Variants in KDM7A observed in about 807,000 individuals in gnomAD.
The protein encoded by KDM7A is lysine-specific demethylase 7A.
KDM7A carries 28 observed loss-of-function variants against 114.8 expected under a neutral mutation model. The observed-to-expected ratio is 0.24, with a 90% confidence interval of 0.18 to 0.33. KDM7A has a LOEUF of 0.33. KDM7A is among the 10% of genes least tolerant of loss of function. KDM7A has a pLI of 1.00. For missense variants in KDM7A, 942 were observed against 1,142.5 expected (o/e 0.82, Z 2.53); for synonymous variants, 423 against 397.8 (o/e 1.06, Z -0.75).
intron 17 of KDM7A, chr7:140,095,656 TC>T: frequency 3.6e-6 from 1 of 279,046 alleles, no homozygotes; most frequent in Admixed American, 4.4e-5. Flanking sequence ...GGCAGGAGGA[TC>T]ACTTGAGCTC....
intron 18 of KDM7A, 161 bp from the exon 19 acceptor site, chr7:140,092,238 G>A (rs1355467746): frequency 1.5e-5 from 10 of 652,674 alleles, no homozygotes; most frequent in East Asian, 5.4e-5. Context: ...GCATGATGTC[G>A]TCTCAGTAGC....
At chr7:140,141,166 T>C (rs1454756077) in intron 1 of KDM7A, among the ~76,000 whole-genome samples, 1 of 152,258 alleles carries the variant, frequency 6.6e-6, no homozygotes, top group East Asian at 1.9e-4. Flanking sequence ...AAGGGAGATA[T>C]ACACCACGAC....
In KDM7A at chr7:140,106,544, A is replaced by C. The variant is rs187584893; in HGVS notation, c.1429-4384T>G. On this transcript the variant is annotated intron_variant, in intron 11 of 19. Coordinates refer to ENST00000397560, the MANE Select transcript of KDM7A (RefSeq NM_030647.2). ...TATTTCTGCCTTCATTTCATTATGTACCCAGTAGTCATTCAGGAGCAGGTT... is the reference window on the plus strand; with the variant it reads ...TATTTCTGCCTTCATTTCATTATGTCCCCAGTAGTCATTCAGGAGCAGGTT... 7.8e-3 allele frequency among the ~76,000 whole-genome samples: 1,195 copies of C among 152,248 alleles called. 6 individuals are homozygous for C. Among genetic ancestry groups the C allele is most frequent in the Admixed American group, 0.013 (201 of 15,300 alleles).
chr7:140,099,424 T>C (rs765184651), intron 13 of KDM7A, among the ~76,000 whole-genome samples: 5 of 152,204 alleles, frequency 3.3e-5, no homozygotes, highest in Non-Finnish European at 7.3e-5. Context: ...TTTAAACTCC[T>C]GGTCTCAAGA....
In KDM7A at chr7:140,167,063, C is replaced by T. The variant is rs147134735; in HGVS notation, c.194+9681G>A. On this transcript the variant is annotated intron_variant, in intron 1 of 19. Transcript: ENST00000397560. ...ATCTTAAAAATGTGTAAAATCTATA[C>T]AAAGAAAAATTAAAAACACACCTGA... is the stretch of plus-strand genomic sequence containing the variant. Among the ~76,000 whole-genome samples the T allele has an allele frequency of 2.2e-4, 33 of 151,580 alleles. 1 individual carries two copies. In the East Asian group the frequency reaches 5.0e-3, roughly 23 times the overall value.
rs1817939908 is a variant in KDM7A, at chr7:140,087,059, G to T, written c.*4035C>A. The T allele has an allele frequency of 6.6e-6, 1 of 152,206 alleles. No individual in the cohort carries two copies. The highest frequency in any genetic ancestry group is 1.9e-4 in the East Asian group (1 of 5,204). 9.4% of individuals were successfully genotyped at this position (152,206 alleles called of 1,614,324 possible). A position where few individuals can be genotyped will look rare whatever the true frequency, so the allele number is the denominator to read the frequency against. On this transcript the variant is annotated 3_prime_UTR_variant, in exon 20 of 20. Coordinates refer to ENST00000397560, the MANE Select transcript of KDM7A (RefSeq NM_030647.2). ...AGAATCTTGTCTGTTGAAGATGTCT[G>T]GTGGCGTCTCCTTTCCTACACTGGT...
chr7:140,172,059 A>G (rs1376995436), intron 1 of KDM7A, among the ~76,000 whole-genome samples: 1 of 152,152 alleles, frequency 6.6e-6, no homozygotes, highest in East Asian at 1.9e-4. Context: ...GCTGGTTAAT[A>G]ATACCTTAGA....
At chr7:140,101,904 A>C in intron 12 of KDM7A, 47 bp downstream of exon 12, 2 of 1,280,750 alleles carry the variant, frequency 1.6e-6, no homozygotes, top group South Asian at 2.4e-5. Flanking sequence ...TAAAGACTTT[A>C]AGGAACAGCC....
chr7:140,096,651 T>C lies in KDM7A; in HGVS notation c.2278A>G (p.Ser760Gly), dbSNP rs925135790. ...TCCTGGAGAGAGTTTCTTTCACCAC[T>C]GCAGTCTGTGCTTTGTATTTGCCTT... ...LQRQIQSTDC[S>G]GERNSLQDPS... is the part of the protein sequence containing the mutation. Residue 760 changes from serine (S) to glycine (G), a missense_variant, in exon 17 of 20, where the codon AGT becomes GGT. Transcript: ENST00000397560. The C allele has an allele frequency of 6.8e-6, 11 of 1,614,020 alleles. No homozygotes were observed. The African/African-American group carries it at 1.2e-4, about 18-fold the overall frequency.
chr7:140,143,095 G>T (rs1413926281), intron 1 of KDM7A, among the ~76,000 whole-genome samples: 1 of 150,796 alleles, frequency 6.6e-6, no homozygotes, highest in Non-Finnish European at 1.5e-5. Flanking sequence ...CAGGAGAACG[G>T]CATGAACTCG....
chr7:140,170,012 T>C (rs1794620725), intron 1 of KDM7A, among the ~76,000 whole-genome samples: 1 of 152,100 alleles, frequency 6.6e-6, no homozygotes, highest in South Asian at 2.1e-4. Flanking sequence ...AACAATGAAA[T>C]TGAGAAGTTC....
intron 1 of KDM7A, among the ~76,000 whole-genome samples, chr7:140,173,557 C>T (rs1315784150): frequency 6.6e-6 from 1 of 152,034 alleles, no homozygotes; most frequent in Non-Finnish European, 1.5e-5. Context: ...TTAAAAAGTC[C>T]TTCTACTTAA....
At chr7:140,104,401 T>C (rs1562947308) in intron 11 of KDM7A, among the ~76,000 whole-genome samples, 1 of 152,222 alleles carries the variant, frequency 6.6e-6, no homozygotes, top group Non-Finnish European at 1.5e-5. Flanking sequence ...TCCTGAATGG[T>C]ACTGCCTAGG....
intron 1 of KDM7A, among the ~76,000 whole-genome samples, chr7:140,161,921 A>G (rs1585167225): frequency 6.6e-6 from 1 of 152,252 alleles, no homozygotes; most frequent in Non-Finnish European, 1.5e-5. Context: ...TTTGTGAAAC[A>G]GTGAATACTC....
chr7:140,100,042 AACTT>A lies in KDM7A; in HGVS notation c.1639-23_1639-20del. On this transcript the variant is annotated intron_variant, in intron 12 of 19. Transcript: ENST00000397560. ...AGATGTCCTGAAGGTATAAATGCAG[AACTT>A]ACTTACCATCCACCCTCAGGTAGCC... is the stretch of plus-strand genomic sequence containing the variant. 1.2e-6 allele frequency: 2 copies of A among 1,613,836 alleles called. No homozygotes were observed. The highest frequency in any genetic ancestry group is 2.7e-5 in the African/African-American group (2 of 75,030).
At chr7:140,114,402 G>A (rs1027746196) in intron 9 of KDM7A, among the ~76,000 whole-genome samples, 35 of 152,142 alleles carry the variant, frequency 2.3e-4, no homozygotes, top group African/African-American at 2.4e-4. Flanking sequence ...GCTCCTAACC[G>A]CGAGTGATCT....
At chr7:140,135,422 C>T (rs1818853141) in intron 2 of KDM7A, among the ~76,000 whole-genome samples, 1 of 152,026 alleles carries the variant, frequency 6.6e-6, no homozygotes, top group South Asian at 2.1e-4. Context: ...AGGATGGTCT[C>T]GATCTCCTGA....
chr7:140,099,980 A>T lies in KDM7A; in HGVS notation c.1682T>A (p.Leu561His). 3.1e-6 allele frequency: 5 copies of T among 1,613,734 alleles called. No individual in the cohort carries two copies. The highest frequency in any genetic ancestry group is 4.2e-6 in the Non-Finnish European group (5 of 1,179,642). Reference protein sequence around the residue: ...SKLNGKFNKHLQPSSTVPEWR... With the variant: ...SKLNGKFNKHHQPSSTVPEWR... ...TTCAGGTACTGTGGAGGATGGTTGG[A>T]GATGTTTGTTGAATTTTCCATTCAG... Residue 561 changes from leucine to histidine, a missense_variant, in exon 13 of 20, where the codon CTC becomes CAC. Leu to His is a moderately conservative substitution (Grantham distance 99, BLOSUM62 -3). This residue lies in a region of KDM7A where 512 missense variants were observed against 576.6 expected (regional missense o/e 0.89). Coordinates refer to ENST00000397560, the MANE Select transcript of KDM7A (RefSeq NM_030647.2).
intron 2 of KDM7A, among the ~76,000 whole-genome samples, chr7:140,134,715 T>C (rs1455757944): frequency 6.6e-6 from 1 of 152,192 alleles, no homozygotes; most frequent in Non-Finnish European, 1.5e-5. Context: ...TTAGAGCATG[T>C]AATGAAAATG....
Sources: gnomAD v4.1 joint callset for allele counts (sites outside exome capture counted in the v4.1 genomes callset) on GRCh38, gnomAD v4.1.1 for gene constraint, gnomAD v4.1.1 regional missense constraint, MANE v1.5 for transcripts, NCBI Gene and HGNC (gene_info 2026-07-23, HGNC 2026-07-21) for gene names.